FN3K: variants seen among roughly 807,000 people sequenced by gnomAD.
The protein encoded by FN3K is fructosamine 3 kinase, also known as fructosamine-3-kinase.
FN3K carries 24 observed loss-of-function variants against 24.8 expected under a neutral mutation model. The observed-to-expected ratio is 0.97, with a 90% confidence interval of 0.70 to 1.36. The LOEUF (loss-of-function observed/expected upper bound fraction) is 1.36, where lower values mean the gene tolerates loss of function less well. Ranked by LOEUF, FN3K falls within the 40% of genes most tolerant of loss-of-function variation. FN3K has a pLI of 0.00. For missense variants in FN3K, 449 were observed against 416.7 expected (o/e 1.08, Z -0.67); for synonymous variants, 192 against 175.2 (o/e 1.10, Z -0.76).
Position 82,739,518 on chromosome 17 carries a change from C to T in FN3K, c.293+878C>T, listed in dbSNP as rs1048884803. 1.7e-3 allele frequency among the ~76,000 whole-genome samples: 239 copies of T among 144,120 alleles called. 1 individual carries two copies. The highest frequency in any genetic ancestry group is 2.4e-3 in the Non-Finnish European group (161 of 66,418). The allele number at this position is 144,120 out of a possible 152,430, so 94.5% of individuals were successfully genotyped here. A position where few individuals can be genotyped will look rare whatever the true frequency, so the allele number is the denominator to read the frequency against. The stretch of plus-strand genomic sequence containing the variant: ...TGTCACCCAGGCTGGAGTGCAGTGG[C>T]GCGATCTTGGCTCATTGCAAACTCT... On this transcript the variant is annotated intron_variant, in intron 2 of 5. Coordinates refer to ENST00000300784, the MANE Select transcript of FN3K (RefSeq NM_022158.4).
intron 4 of FN3K, among the ~76,000 whole-genome samples, chr17:82,743,863 A>G (rs988783061): frequency 5.3e-5 from 8 of 152,192 alleles, no homozygotes; most frequent in African/African-American, 1.9e-4. Context: ...AGGCCTGGTC[A>G]TTGGGACCAG....
At chr17:82,738,371 C>T in intron 1 of FN3K, 118 bp from the exon 2 acceptor site, 2 of 1,400,556 alleles carry the variant, frequency 1.4e-6, no homozygotes, top group South Asian at 2.4e-5. Context: ...CCAGCCAGAG[C>T]CAGCTATCAG....
chr17:82,745,900 T>C (rs2046965918), intron 4 of FN3K, among the ~76,000 whole-genome samples: 1 of 151,948 alleles, frequency 6.6e-6, no homozygotes, highest in African/African-American at 2.4e-5. Flanking sequence ...GAGACCATCA[T>C]GGCTAACACA....
intron 5 of FN3K, chr17:82,749,395 T>G (rs1437756027): frequency 6.0e-6 from 2 of 335,526 alleles, no homozygotes; most frequent in Non-Finnish European, 1.2e-5. Flanking sequence ...CCGGGCACAG[T>G]GGTTCACGCC....
Position 82,741,493 on chromosome 17 carries a change from C to A in FN3K, c.468+100C>A, listed in dbSNP as rs1354030332. ...ATCTCCCAAGCACCAGCAAGATTGA[C>A]TACTTGATTTCTGAAAGCAGAGTAG... On this transcript the variant is annotated intron_variant, in intron 4 of 5. Coordinates refer to ENST00000300784, the MANE Select transcript of FN3K (RefSeq NM_022158.4). 4 of 1,111,172 alleles carry A rather than the reference C, an allele frequency of 3.6e-6. No homozygotes were observed. In the African/African-American group the frequency reaches 6.2e-5, roughly 17 times the overall value. The allele number at this position is 1,111,172 out of a possible 1,614,324, so 68.8% of individuals were successfully genotyped here. A position where few individuals can be genotyped will look rare whatever the true frequency, so the allele number is the denominator to read the frequency against.
chr17:82,743,381 C>A (rs2046951272), intron 4 of FN3K, among the ~76,000 whole-genome samples: 1 of 152,206 alleles, frequency 6.6e-6, no homozygotes, highest in Non-Finnish European at 1.5e-5. Flanking sequence ...CAGGTGCAGC[C>A]TGGCTAGGAA....
At chr17:82,745,775 T>C (rs2046965130) in intron 4 of FN3K, 2 of 152,176 alleles carry the variant, frequency 1.3e-5, no homozygotes, top group African/African-American at 4.8e-5. Flanking sequence ...GACTGTGTCA[T>C]ATGGTAGGTC....
rs770467286 is a variant in FN3K, at chr17:82,735,743, G to C, written c.107G>C (p.Gly36Ala). The change falls in exon 1 of 6, where the codon GGC becomes GCC. Residue 36 changes from glycine (G) to alanine (A), a missense_variant. Gly to Ala is a moderately conservative substitution (Grantham distance 60). Transcript: ENST00000300784. ...GGCCGAGCCTACGACACGGACGCAG[G>C]CCCAGTGTTCGTCAAAGTCAACCGC... ...SEGRAYDTDA[G>A]PVFVKVNRRT... The C allele has an allele frequency of 1.3e-6, 2 of 1,562,646 alleles. No homozygotes were observed. The highest frequency in any genetic ancestry group is 2.4e-5 in the South Asian group (2 of 85,028).
chr17:82,749,090 G>A, intron 5 of FN3K, 113 bp downstream of exon 5: 1 of 1,511,720 alleles, frequency 6.6e-7, no homozygotes, highest in South Asian at 1.2e-5. Flanking sequence ...GAGTCCTGGA[G>A]CACACATCAG....
At chr17:82,744,159 A>G (rs1799620881) in intron 4 of FN3K, among the ~76,000 whole-genome samples, 1 of 151,812 alleles carries the variant, frequency 6.6e-6, no homozygotes, top group Non-Finnish European at 1.5e-5. Context: ...GGGTGAGCCC[A>G]GGGGCCGAGT....
At chr17:82,749,095 C>T in intron 5 of FN3K, 118 bp downstream of exon 5, 1 of 1,478,708 alleles carries the variant, frequency 6.8e-7, no homozygotes, top group African/African-American at 1.4e-5. Flanking sequence ...CTGGAGCACA[C>T]ATCAGGGAGG....
rs2047015306 is a variant in FN3K, at chr17:82,750,780, T to G, written c.*25T>G. On this transcript the variant is annotated 3_prime_UTR_variant, in exon 6 of 6. Transcript: ENST00000300784. ...GCGGCCCCTGCCCTCCCTTCCCCTGTCCCCGTCCCCGTCTCCGTCTCCCCG... is the reference window on the plus strand; with the variant it reads ...GCGGCCCCTGCCCTCCCTTCCCCTGGCCCCGTCCCCGTCTCCGTCTCCCCG... 6.4e-7 allele frequency: 1 copy of G among 1,568,154 alleles called. No homozygotes were observed. The highest frequency in any genetic ancestry group is 1.4e-5 in the African/African-American group (1 of 71,158).
At chr17:82,738,256 C>T (rs1414011665) in intron 1 of FN3K, 4 of 561,024 alleles carry the variant, frequency 7.1e-6, no homozygotes, top group Non-Finnish European at 1.3e-5. Flanking sequence ...CAGCAGCCTG[C>T]AGACCCCACA....
At chr17:82,738,222 C>T (rs1043024710) in intron 1 of FN3K, 12 of 492,200 alleles carry the variant, frequency 2.4e-5, no homozygotes, top group South Asian at 4.7e-5. Context: ...GGCACCCACA[C>T]GTGGCCTGTG....
chr17:82,737,135 G>C (rs2046907232), intron 1 of FN3K, among the ~76,000 whole-genome samples: 1 of 152,206 alleles, frequency 6.6e-6, no homozygotes, highest in Non-Finnish European at 1.5e-5. Context: ...GGCCAGGGCT[G>C]CCAGGCTGGG....
intron 1 of FN3K, among the ~76,000 whole-genome samples, chr17:82,736,858 C>T (rs558914504): frequency 6.6e-6 from 1 of 152,368 alleles, no homozygotes; most frequent in African/African-American, 2.4e-5. Flanking sequence ...TTCAGGCTTC[C>T]CACGGGCTCT....
intron 4 of FN3K, among the ~76,000 whole-genome samples, chr17:82,747,624 C>T (rs996664641): frequency 2.0e-5 from 3 of 152,200 alleles, no homozygotes; most frequent in Non-Finnish European, 2.9e-5. Flanking sequence ...TGGTTTTGAT[C>T]TCTTGACCTC....
chr17:82,739,158 A>G (rs1305938230), intron 2 of FN3K, among the ~76,000 whole-genome samples: 2 of 151,294 alleles, frequency 1.3e-5, no homozygotes, highest in Non-Finnish European at 2.9e-5. Flanking sequence ...ATGTTGGCTG[A>G]GTTGGTCTCA....
At position 82,735,772 on chromosome 17, in the gene FN3K, A is replaced by G; in HGVS notation, c.136A>G (p.Thr46Ala). ...GPVFVKVNRR[T>A]QARQMFEGEV... Reference sequence around the variant, plus strand: ...AGTGTTCGTCAAAGTCAACCGCAGGACGCAGGTGCTGGCCCGTGCGCAGGC... The same window carrying G: ...AGTGTTCGTCAAAGTCAACCGCAGGGCGCAGGTGCTGGCCCGTGCGCAGGC... The change falls in exon 1 of 6, where the codon ACG becomes GCG. Residue 46 changes from threonine to alanine, a missense_variant. By Grantham distance (58) the Thr-to-Ala change is moderately conservative. Coordinates refer to ENST00000300784, the MANE Select transcript of FN3K (RefSeq NM_022158.4). 2 of 1,561,892 alleles carry G rather than the reference A, an allele frequency of 1.3e-6. No individual in the cohort carries two copies. The highest frequency in any genetic ancestry group is 1.7e-6 in the Non-Finnish European group (2 of 1,155,004).
Sources: allele counts gnomAD v4.1 joint callset (sites outside exome capture counted in the v4.1 genomes callset), GRCh38; gene constraint gnomAD v4.1.1; transcripts MANE v1.5; gene names NCBI Gene and HGNC (gene_info 2026-07-23, HGNC 2026-07-21).